KHDRBS2: variants seen among roughly 807,000 people sequenced by gnomAD.
KHDRBS2 encodes KH domain-containing, RNA-binding, signal transduction-associated protein 2.
KHDRBS2 carries 26 observed loss-of-function variants against 44.3 expected under a neutral mutation model. The observed-to-expected ratio is 0.59, with a 90% CI of 0.43 to 0.81. The LOEUF (loss-of-function observed/expected upper bound fraction) is 0.81. Among genes scored for constraint, KHDRBS2 ranks in the 40% least tolerant of loss-of-function variants. KHDRBS2 has a pLI of 0.00. For missense variants in KHDRBS2, 476 were observed against 433.1 expected (o/e 1.10, Z -0.88); for synonymous variants, 194 against 151.1 (o/e 1.28, Z -2.08).
chr6:62,008,239 G>C (rs1451440850), intron 3 of KHDRBS2, among the ~76,000 whole-genome samples: 3 of 152,168 alleles, frequency 2.0e-5, no homozygotes, highest in African/African-American at 4.8e-5. Context: ...TTTTTAAAAA[G>C]TACCAAGTGC....
At chr6:62,145,949 C>A (rs1813844872) in intron 2 of KHDRBS2, among the ~76,000 whole-genome samples, 1 of 151,692 alleles carries the variant, frequency 6.6e-6, no homozygotes. Flanking sequence ...GAGTCCCACC[C>A]CCAAGATATT....
chr6:61,862,734 G>C (rs974017259), intron 6 of KHDRBS2, among the ~76,000 whole-genome samples: 1 of 152,002 alleles, frequency 6.6e-6, no homozygotes, highest in Admixed American at 6.6e-5. Flanking sequence ...GCATTTTATT[G>C]AGCATTTTGG....
chr6:61,845,861 T>C (rs1158535255), intron 6 of KHDRBS2, among the ~76,000 whole-genome samples: 1 of 152,126 alleles, frequency 6.6e-6, no homozygotes, highest in Admixed American at 6.5e-5. Context: ...TGGAAACTCG[T>C]CCCTACCCAA....
At chr6:61,929,599 T>C (rs193295424) in intron 4 of KHDRBS2, among the ~76,000 whole-genome samples, 6 of 152,284 alleles carry the variant, frequency 3.9e-5, no homozygotes, top group Non-Finnish European at 8.8e-5. Flanking sequence ...TTCTGGCAGT[T>C]TGAAACATAT....
At chr6:62,229,340 C>G (rs1832493985) in intron 1 of KHDRBS2, among the ~76,000 whole-genome samples, 1 of 152,122 alleles carries the variant, frequency 6.6e-6, no homozygotes, top group Non-Finnish European at 1.5e-5. Flanking sequence ...CTCTTGGGAC[C>G]AAGCCATCTA....
intron 2 of KHDRBS2, among the ~76,000 whole-genome samples, chr6:62,118,531 C>A (rs765187023): frequency 3.3e-5 from 5 of 151,854 alleles, no homozygotes; most frequent in Non-Finnish European, 7.4e-5. Flanking sequence ...CTTAAAATAC[C>A]AGTGTGATGG....
chr6:61,995,468 C>G (rs1185300614), intron 3 of KHDRBS2, among the ~76,000 whole-genome samples: 4 of 152,152 alleles, frequency 2.6e-5, no homozygotes, highest in Non-Finnish European at 4.4e-5. Flanking sequence ...GAGCAAGGAG[C>G]AAGTCAAGAA....
intron 2 of KHDRBS2, among the ~76,000 whole-genome samples, chr6:62,064,855 T>C (rs1217386300): frequency 1.3e-5 from 2 of 149,852 alleles, no homozygotes; most frequent in Non-Finnish European, 3.0e-5. Context: ...ACCTACAAAA[T>C]GGGAGAAAAT....
intron 6 of KHDRBS2, among the ~76,000 whole-genome samples, chr6:61,792,662 T>C (rs1424877334): frequency 6.6e-6 from 1 of 151,818 alleles, no homozygotes; most frequent in Non-Finnish European, 1.5e-5. Context: ...CAATGACAAC[T>C]GCGAATTAGA....
chr6:61,922,806 C>T (rs1209553103), intron 4 of KHDRBS2, among the ~76,000 whole-genome samples: 2 of 152,074 alleles, frequency 1.3e-5, no homozygotes, highest in Non-Finnish European at 2.9e-5. Flanking sequence ...TTACAAGTAA[C>T]TTAATGGCAT....
chr6:62,063,647 T>C (rs1792685954), intron 2 of KHDRBS2, among the ~76,000 whole-genome samples: 1 of 149,024 alleles, frequency 6.7e-6, no homozygotes, highest in African/African-American at 2.5e-5. Flanking sequence ...ATAAGAGCTA[T>C]CTATGACAAA....
At chr6:62,276,754 A>C (rs182007452) in intron 1 of KHDRBS2, among the ~76,000 whole-genome samples, 39 of 152,308 alleles carry the variant, frequency 2.6e-4, no homozygotes, top group Admixed American at 3.9e-4. Context: ...CAACAACAAC[A>C]TTGATCTTCT....
At chr6:62,202,301 CTCA>C (rs1322111082) in intron 1 of KHDRBS2, among the ~76,000 whole-genome samples, 1 of 152,106 alleles carries the variant, frequency 6.6e-6, no homozygotes, top group African/African-American at 2.4e-5. Context: ...TCCAATCCAA[CTCA>C]TCATCTGTTG....
chr6:62,265,662 A>G (rs966077721), intron 1 of KHDRBS2, among the ~76,000 whole-genome samples: 1 of 152,034 alleles, frequency 6.6e-6, no homozygotes, highest in African/African-American at 2.4e-5. Context: ...AGACCTTGTG[A>G]CTATTTCACA....
At position 62,170,554 on chromosome 6, in the gene KHDRBS2, A is replaced by G. The variant is rs115161135; in HGVS notation, c.219+6631T>C. 2.5e-3 allele frequency among the ~76,000 whole-genome samples: 382 copies of G among 152,234 alleles called. 3 individuals are homozygous for G. Among genetic ancestry groups the G allele is most frequent in the African/African-American group, 8.4e-3 (350 of 41,552 alleles). On this transcript the variant is annotated intron_variant, in intron 2 of 8. Coordinates refer to ENST00000281156, the MANE Select transcript of KHDRBS2 (RefSeq NM_152688.4). The stretch of plus-strand genomic sequence containing the variant: ...AACACTCTTAAGTGCCACCTACTGG[A>G]CTGTGGCCAAAAAATACAGGACTGA...
chr6:61,557,251 A>G, the KHDRBS2 span, among the ~76,000 whole-genome samples: 9 of 152,198 alleles, frequency 5.9e-5, no homozygotes, highest in Admixed American at 1.3e-4. Flanking sequence ...TTTGTAGTTT[A>G]GTAATGCTCT....
At chr6:61,729,798 T>C (rs1029374131) in intron 7 of KHDRBS2, among the ~76,000 whole-genome samples, 1 of 152,304 alleles carries the variant, frequency 6.6e-6, no homozygotes, top group Admixed American at 6.5e-5. Context: ...AGGTTATTTA[T>C]CTGATTCTAA....
At chr6:61,987,860 C>G (rs907279397) in intron 3 of KHDRBS2, among the ~76,000 whole-genome samples, 6 of 152,124 alleles carry the variant, frequency 3.9e-5, no homozygotes, top group African/African-American at 1.4e-4. Context: ...TTAAATGTGG[C>G]AAGAATTCTT....
intron 4 of KHDRBS2, among the ~76,000 whole-genome samples, chr6:61,940,494 T>C (rs1345920169): frequency 6.6e-6 from 1 of 152,160 alleles, no homozygotes; most frequent in Admixed American, 6.5e-5. Context: ...GTGGTTGTGC[T>C]GGGTCCCACA....
Sources: gnomAD v4.1 joint callset for allele counts (sites outside exome capture counted in the v4.1 genomes callset) on GRCh38, gnomAD v4.1.1 for gene constraint, MANE v1.5 for transcripts, NCBI Gene and HGNC (gene_info 2026-07-23, HGNC 2026-07-21) for gene names.